C8orf34: variants seen among roughly 807,000 people sequenced by gnomAD.
The protein encoded by C8orf34 is chromosome 8 open reading frame 34, also known as uncharacterized protein C8orf34.
Under a neutral mutation model 68.3 loss-of-function variants are expected in C8orf34, and 65 were observed. The ratio of observed to expected loss-of-function variants is 0.95; its 90% CI spans 0.78 to 1.17. C8orf34 has a LOEUF of 1.17. Among genes scored for constraint, C8orf34 ranks in the 50% most tolerant of loss-of-function variants. The pLI is 0.00. For synonymous variants in C8orf34, 244 were observed against 241.2 expected (o/e 1.01, Z -0.11); for missense variants, 664 against 655.4 (o/e 1.01, Z -0.14).
intron 1 of C8orf34, among the ~76,000 whole-genome samples, chr8:68,407,039 C>A (rs1469580344): frequency 6.6e-6 from 1 of 152,128 alleles, no homozygotes; most frequent in Non-Finnish European, 1.5e-5. Flanking sequence ...TCTGCCTCAG[C>A]TTTGCAACTA....
intron 5 of C8orf34, among the ~76,000 whole-genome samples, chr8:68,510,172 T>C (rs1340499921): frequency 6.6e-6 from 1 of 152,156 alleles, no homozygotes. Flanking sequence ...GGGAGTTGCA[T>C]GCACTCCCTA....
chr8:68,597,308 T>G (rs1817573108), intron 7 of C8orf34, among the ~76,000 whole-genome samples: 1 of 152,076 alleles, frequency 6.6e-6, no homozygotes. Flanking sequence ...TCCTACAGAT[T>G]GGTGTTCAGA....
At chr8:68,654,279 T>C (rs1249126540) in intron 8 of C8orf34, among the ~76,000 whole-genome samples, 1 of 152,168 alleles carries the variant, frequency 6.6e-6, no homozygotes, top group Non-Finnish European at 1.5e-5. Context: ...GTGTGAGCAA[T>C]AAATTTCTGT....
intron 9 of C8orf34, among the ~76,000 whole-genome samples, chr8:68,712,888 T>G (rs538712739): frequency 6.6e-6 from 1 of 152,176 alleles, no homozygotes; most frequent in South Asian, 2.1e-4. Context: ...CATCAGCACA[T>G]GAAATATTCC....
At chr8:68,347,738 A>G (rs10957428) in intron 1 of C8orf34, among the ~76,000 whole-genome samples, 61,817 of 151,482 alleles carry the variant, frequency 0.41, 12,771 homozygotes, top group Non-Finnish European at 0.45. Context: ...TTTTTCATAC[A>G]TGTGTTGGCC....
chr8:68,714,862 T>A (rs1436496479), intron 9 of C8orf34, among the ~76,000 whole-genome samples: 1 of 152,134 alleles, frequency 6.6e-6, no homozygotes, highest in African/African-American at 2.4e-5. Flanking sequence ...TCACATTACC[T>A]GAGTTCAAAG....
intron 7 of C8orf34, among the ~76,000 whole-genome samples, chr8:68,630,779 T>G (rs1818666485): frequency 6.6e-6 from 1 of 151,840 alleles, no homozygotes; most frequent in African/African-American, 2.4e-5. Flanking sequence ...TACCTACAAT[T>G]ATATTTCAGT....
At chr8:68,652,338 G>A (rs188812675) in intron 8 of C8orf34, among the ~76,000 whole-genome samples, 4 of 152,230 alleles carry the variant, frequency 2.6e-5, no homozygotes, top group East Asian at 1.9e-4. Flanking sequence ...TACATGGTTT[G>A]CAAATATTTT....
chr8:68,667,269 A>T (rs2130829610), intron 8 of C8orf34, among the ~76,000 whole-genome samples: 1 of 152,308 alleles, frequency 6.6e-6, no homozygotes, highest in East Asian at 1.9e-4. Context: ...GGCTTCATGG[A>T]GATATTTTTT....
intron 1 of C8orf34, among the ~76,000 whole-genome samples, chr8:68,353,637 T>TATTATA (rs772318251): frequency 3.6e-4 from 51 of 143,088 alleles, no homozygotes; most frequent in Admixed American, 1.2e-3. Flanking sequence ...TATATATATA[T>TATTATA]TATATATATA....
At chr8:68,400,856 C>T (rs1015751022) in intron 1 of C8orf34, among the ~76,000 whole-genome samples, 16 of 152,080 alleles carry the variant, frequency 1.1e-4, no homozygotes, top group Non-Finnish European at 1.5e-4. Flanking sequence ...TATTTGGCCT[C>T]CTTTTTGATT....
chr8:68,522,909 T>C (rs1212065667), intron 6 of C8orf34, among the ~76,000 whole-genome samples: 2 of 152,184 alleles, frequency 1.3e-5, no homozygotes, highest in South Asian at 4.1e-4. Context: ...GCATTTTCTA[T>C]GTTAAATTTA....
chr8:68,576,277 G>A (rs1446123451), intron 7 of C8orf34, among the ~76,000 whole-genome samples: 2 of 148,272 alleles, frequency 1.3e-5, no homozygotes, highest in Non-Finnish European at 2.9e-5. Context: ...TAAAAAAATA[G>A]CAACCTTTCC....
chr8:68,476,416 C>T (rs550690884), intron 4 of C8orf34, among the ~76,000 whole-genome samples: 1 of 152,208 alleles, frequency 6.6e-6, no homozygotes, highest in Admixed American at 6.5e-5. Context: ...GTCGTGGAGA[C>T]AGATATTCCT....
chr8:68,483,925 A>G (rs556996143), intron 4 of C8orf34, among the ~76,000 whole-genome samples: 1 of 152,324 alleles, frequency 6.6e-6, no homozygotes, highest in South Asian at 2.1e-4. Flanking sequence ...ACAGCTAGAC[A>G]TTATTGCTAC....
intron 6 of C8orf34, among the ~76,000 whole-genome samples, chr8:68,529,430 T>C (rs2129786057): frequency 6.6e-6 from 1 of 152,344 alleles, no homozygotes; most frequent in South Asian, 2.1e-4. Flanking sequence ...AATCCGTATC[T>C]GTAATTGTGA....
intron 6 of C8orf34, among the ~76,000 whole-genome samples, chr8:68,531,389 G>A (rs112083265): frequency 6.6e-6 from 1 of 151,872 alleles, no homozygotes; most frequent in Non-Finnish European, 1.5e-5. Flanking sequence ...TCTGCCTTTT[G>A]TTTCTTTTTT....
At chr8:68,636,572 G>A (rs879322559) in intron 7 of C8orf34, among the ~76,000 whole-genome samples, 4 of 152,036 alleles carry the variant, frequency 2.6e-5, no homozygotes, top group South Asian at 2.1e-4. Flanking sequence ...GTGACAGAGC[G>A]AGACTCTGTC....
intron 10 of C8orf34, among the ~76,000 whole-genome samples, chr8:68,733,569 A>G (rs1048379914): frequency 1.3e-5 from 2 of 152,186 alleles, no homozygotes; most frequent in Admixed American, 1.3e-4. Context: ...GCCTTCTTAT[A>G]TGATTTTTTT....
Sources: gnomAD v4.1 joint callset for allele counts (sites outside exome capture counted in the v4.1 genomes callset) on GRCh38, gnomAD v4.1.1 for gene constraint, MANE v1.5 for transcripts, NCBI Gene and HGNC (gene_info 2026-07-23, HGNC 2026-07-21) for gene names.